RAD51B: variants seen among roughly 807,000 people sequenced by gnomAD.
RAD51B encodes DNA repair protein RAD51 homolog 2.
In RAD51B, 38 loss-of-function variants were observed where a neutral mutation model predicts 42.2. The observed-to-expected ratio is 0.90, with a 90% CI of 0.70 to 1.18. The LOEUF is 1.18. RAD51B is among the 50% of genes most tolerant of loss of function. RAD51B has a pLI of 0.00. For missense variants in RAD51B, 373 were observed against 400.7 expected, an observed-to-expected ratio of 0.93 and a Z score of 0.59; for synonymous variants, 154 against 145.2, an observed-to-expected ratio of 1.06 and a Z score of -0.43.
chr14:68,147,272 A>G (rs1406278173), intron 7 of RAD51B, among the ~76,000 whole-genome samples: 1 of 152,242 alleles, frequency 6.6e-6, no homozygotes, highest in Admixed American at 6.5e-5. Context: ...CTATGAATAC[A>G]TGTGTCCTGG....
chr14:68,299,083 C>T (rs2081668352), intron 8 of RAD51B, among the ~76,000 whole-genome samples: 1 of 151,752 alleles, frequency 6.6e-6, no homozygotes, highest in East Asian at 1.9e-4. Context: ...CTATCTTCCC[C>T]AGATAGAGGA....
At chr14:68,564,362 C>A (rs1889313643) in intron 10 of RAD51B, among the ~76,000 whole-genome samples, 1 of 152,200 alleles carries the variant, frequency 6.6e-6, no homozygotes, top group African/African-American at 2.4e-5. Flanking sequence ...TGGGAGAGGT[C>A]ATGCCGCACA....
intron 9 of RAD51B, among the ~76,000 whole-genome samples, chr14:68,444,052 A>G (rs1025833305): frequency 2.0e-5 from 3 of 152,188 alleles, no homozygotes; most frequent in Non-Finnish European, 2.9e-5. Context: ...CCTGTTCTCC[A>G]TGGCATGGCC....
intron 4 of RAD51B, among the ~76,000 whole-genome samples, chr14:67,840,441 T>A (rs1281558478): frequency 6.6e-6 from 1 of 152,194 alleles, no homozygotes; most frequent in Non-Finnish European, 1.5e-5. Context: ...GCTGCATCCA[T>A]GTTGCTGCAA....
At chr14:68,639,246 AG>A (rs1400947876) in intron 10 of RAD51B, among the ~76,000 whole-genome samples, 1 of 152,210 alleles carries the variant, frequency 6.6e-6, no homozygotes, top group Non-Finnish European at 1.5e-5. Flanking sequence ...AATTTGGTAG[AG>A]GGCTGAGGTG....
chr14:68,309,420 G>C (rs2081927896), intron 8 of RAD51B, among the ~76,000 whole-genome samples: 1 of 152,196 alleles, frequency 6.6e-6, no homozygotes, highest in Non-Finnish European at 1.5e-5. Context: ...ATCAGCAAAT[G>C]AGAGTCCTGA....
chr14:68,578,244 G>A lies in RAD51B; in HGVS notation c.1037-16241G>A, dbSNP rs1890051990. Among the ~76,000 whole-genome samples the A allele has an allele frequency of 2.0e-5, 3 of 152,258 alleles. No individual in the cohort carries two copies. In the South Asian group the frequency reaches 6.2e-4, roughly 32 times the overall value. On this transcript the variant is annotated intron_variant, in intron 10 of 10. Coordinates refer to the RAD51B transcript ENST00000487270. ...AGTTCGAGACCAACCTGGCTAACATGGTGAAACCCCTTTTCTATTGGCTGG... is the reference window on the plus strand; with the variant it reads ...AGTTCGAGACCAACCTGGCTAACATAGTGAAACCCCTTTTCTATTGGCTGG...
chr14:68,051,467 T>C (rs2076392681), intron 7 of RAD51B, among the ~76,000 whole-genome samples: 1 of 152,174 alleles, frequency 6.6e-6, no homozygotes. Context: ...AATTCTTATA[T>C]ACAACCCTGG....
chr14:68,562,955 A>G (rs1482450340), intron 10 of RAD51B: 1 of 985,286 alleles, frequency 1.0e-6, no homozygotes, highest in Non-Finnish European at 1.2e-6. Flanking sequence ...AAAGGAAGCA[A>G]TAGTGTGCTC....
chr14:68,499,374 A>C (rs1884764771), intron 10 of RAD51B, among the ~76,000 whole-genome samples: 1 of 152,160 alleles, frequency 6.6e-6, no homozygotes, highest in South Asian at 2.1e-4. Flanking sequence ...CCCCTCCTTG[A>C]GACTAAGCAA....
intron 8 of RAD51B, among the ~76,000 whole-genome samples, chr14:68,357,875 C>A (rs1054221977): frequency 6.6e-5 from 10 of 152,234 alleles, no homozygotes; most frequent in African/African-American, 2.4e-4. Flanking sequence ...ATGCCTTCCT[C>A]ACTAAGCTTA....
intron 7 of RAD51B, among the ~76,000 whole-genome samples, chr14:67,935,573 C>T (rs985772352): frequency 6.6e-6 from 1 of 152,070 alleles, no homozygotes; most frequent in Non-Finnish European, 1.5e-5. Flanking sequence ...TGCTGTGTTG[C>T]CCAGGCTAGT....
At chr14:68,320,328 G>A (rs145825464) in intron 8 of RAD51B, among the ~76,000 whole-genome samples, 88 of 152,326 alleles carry the variant, frequency 5.8e-4, no homozygotes, top group African/African-American at 1.8e-3. Context: ...AACCAATGGG[G>A]AAAGAAAGCC....
chr14:68,248,980 G>A (rs1162469336), intron 7 of RAD51B, among the ~76,000 whole-genome samples: 3 of 152,246 alleles, frequency 2.0e-5, no homozygotes, highest in East Asian at 1.9e-4. Flanking sequence ...GTCCTTGCCC[G>A]AATGGCACCA....
intron 9 of RAD51B, among the ~76,000 whole-genome samples, chr14:68,438,036 G>A (rs1488912895): frequency 6.6e-6 from 1 of 152,126 alleles, no homozygotes; most frequent in Admixed American, 6.5e-5. Flanking sequence ...GGATCGGGGA[G>A]GATGGGGCCT....
chr14:68,202,493 A>G (rs548179598), intron 7 of RAD51B, among the ~76,000 whole-genome samples: 11 of 152,020 alleles, frequency 7.2e-5, no homozygotes, highest in African/African-American at 1.9e-4. Flanking sequence ...TGTCATTTCA[A>G]TGATGTTCAC....
chr14:68,681,103 T>A (rs1269149996), intron 11 of RAD51B, among the ~76,000 whole-genome samples: 2 of 152,190 alleles, frequency 1.3e-5, no homozygotes, highest in Non-Finnish European at 2.9e-5. Context: ...TGTCATGGAT[T>A]TACTCTGTCC....
In RAD51B at chr14:67,990,865, C is replaced by A. The variant is rs77852682; in HGVS notation, c.756+103661C>A. 8.0e-3 allele frequency among the ~76,000 whole-genome samples: 1,220 copies of A among 152,082 alleles called. 14 individuals are homozygous for A. The highest frequency in any genetic ancestry group is 0.028 in the African/African-American group (1,144 of 41,482). ...ATCCTACAGCTACATATCAAGCTAC[C>A]CTTTTTTTCTCAAAGACTATTGCTG... On this transcript the variant is annotated intron_variant, in intron 7 of 10. Coordinates refer to ENST00000471583, the MANE Select transcript of RAD51B (RefSeq NM_133510.4).
chr14:68,171,899 G>T (rs1480495980), intron 7 of RAD51B, among the ~76,000 whole-genome samples: 2 of 151,552 alleles, frequency 1.3e-5, no homozygotes, highest in Non-Finnish European at 2.9e-5. Flanking sequence ...TAGATACAAG[G>T]TTTCACCATG....
Sources: allele counts gnomAD v4.1 joint callset (sites outside exome capture counted in the v4.1 genomes callset), GRCh38; gene constraint gnomAD v4.1.1; transcripts MANE v1.5; gene names NCBI Gene and HGNC (gene_info 2026-07-23, HGNC 2026-07-21).